The following NCF2 variants were observed in gnomAD, a reference collection of about 807,000 sequenced individuals.
NCF2 encodes the protein neutrophil cytosol factor 2.
A neutral mutation model predicts 70.9 loss-of-function variants in NCF2; 45 were observed. That is an observed-to-expected ratio of 0.63 (90% confidence interval 0.50 to 0.81). The LOEUF (loss-of-function observed/expected upper bound fraction) is 0.81. NCF2 is among the 40% of genes least tolerant of loss of function. The pLI, the probability that NCF2 is intolerant of heterozygous loss-of-function variation, is 0.00. For synonymous variants in NCF2, 203 were observed against 233.6 expected, an observed-to-expected ratio of 0.87 and a Z score of 1.19; for missense variants, 522 against 631.6, an observed-to-expected ratio of 0.83 and a Z score of 1.86.
chr1:183,586,844 C>T, intron 2 of NCF2, 51 bp downstream of exon 2: 3 of 1,553,344 alleles, frequency 1.9e-6, no homozygotes, highest in Non-Finnish European at 2.7e-6. Context: ...ACTGAGACCC[C>T]TTGGGTTTCT....
At chr1:183,560,719 G>T (rs976447047) in intron 13 of NCF2, among the ~76,000 whole-genome samples, 7 of 152,264 alleles carry the variant, frequency 4.6e-5, no homozygotes, top group African/African-American at 1.7e-4. Context: ...CTCACCTGCT[G>T]TGCAGCCCTG....
In NCF2 at chr1:183,574,496, C is replaced by T. The variant is rs772503928; in HGVS notation, c.492G>A (p.Glu164=). 34 of 1,614,140 alleles carry T rather than the reference C, an allele frequency of 2.1e-5. No homozygotes were observed. Among genetic ancestry groups the T allele is most frequent in the Non-Finnish European group, 2.9e-5 (34 of 1,180,064 alleles). The change falls in exon 4 of 15, where the codon GAG becomes GAA. Residue 164 remains glutamate (E), a synonymous_variant. Transcript: ENST00000367535. ...PRHSKIDKAM[E]CVWKQKLYEP... ...TCACCAATACGCTTACCCAGACACA[C>T]TCCATCGCCTTGTCGATTTTGGAAT...
chr1:183,601,440 T>C, the NCF2 span, among the ~76,000 whole-genome samples: 4 of 152,260 alleles, frequency 2.6e-5, no homozygotes, highest in Non-Finnish European at 5.9e-5. Flanking sequence ...GATAAACTTA[T>C]AGAATTAGAA....
At chr1:183,580,383 T>G (rs529426144) in intron 2 of NCF2, among the ~76,000 whole-genome samples, 1 of 152,088 alleles carries the variant, frequency 6.6e-6, no homozygotes, top group African/African-American at 2.4e-5. Context: ...AGCCAGAAGG[T>G]GGGGTAACTA....
chr1:183,555,832 G>C lies in NCF2; in HGVS notation c.*286C>G. 1 of 484,980 alleles carries C rather than the reference G, an allele frequency of 2.1e-6. No homozygotes were observed. Among genetic ancestry groups the C allele is most frequent in the East Asian group, 3.7e-5 (1 of 26,670 alleles). The allele number at this position is 484,980 out of a possible 1,614,324, so 30.0% of individuals were successfully genotyped here. On this transcript the variant is annotated 3_prime_UTR_variant, in exon 15 of 15. Transcript: ENST00000367535. ...AGCTAGCACTCAGAGCAAGAAACAG[G>C]ATCAGTACCTGGAAGACTCTCTCGT...
intron 14 of NCF2, among the ~76,000 whole-genome samples, chr1:183,558,116 C>T (rs1671874438): frequency 6.6e-6 from 1 of 151,848 alleles, no homozygotes; most frequent in Non-Finnish European, 1.5e-5. Context: ...CCAAGTGATC[C>T]ACTCACCTTG....
upstream of NCF2, among the ~76,000 whole-genome samples, chr1:183,592,228 T>C (rs1673686053): frequency 6.6e-6 from 1 of 152,214 alleles, no homozygotes. Flanking sequence ...GCTTGTAGGA[T>C]TGAAGGTGTG....
intron 14 of NCF2, among the ~76,000 whole-genome samples, chr1:183,559,855 T>G (rs923339183): frequency 1.5e-4 from 23 of 152,124 alleles, no homozygotes; most frequent in African/African-American, 5.6e-4. Context: ...GGGGACTCTG[T>G]CTCAAAAACA....
chr1:183,571,010 A>C (rs772793502), intron 5 of NCF2, among the ~76,000 whole-genome samples, 171 bp from the exon 6 acceptor site: 2 of 152,150 alleles, frequency 1.3e-5, no homozygotes, highest in Non-Finnish European at 2.9e-5. Flanking sequence ...CAGCAACTGA[A>C]GAAACGAGCA....
intron 1 of NCF2, among the ~76,000 whole-genome samples, chr1:183,588,583 AAAT>A (rs1673486885): frequency 6.6e-6 from 1 of 152,012 alleles, no homozygotes; most frequent in South Asian, 2.1e-4. Flanking sequence ...CAGTTTAAAT[AAAT>A]AATAAAATTT....
chr1:183,565,321 T>TA (rs1261862946), intron 10 of NCF2, among the ~76,000 whole-genome samples: 41 of 152,204 alleles, frequency 2.7e-4, no homozygotes. Context: ...CTTTTCCAGA[T>TA]ACAGTGCCTC....
upstream of NCF2, among the ~76,000 whole-genome samples, chr1:183,592,576 A>G (rs548450805): frequency 5.3e-5 from 8 of 152,326 alleles, no homozygotes; most frequent in African/African-American, 1.9e-4. Flanking sequence ...TCTAAAAGAA[A>G]TTAGAAATCA....
In NCF2 at chr1:183,590,294, T is replaced by G. The variant is rs1673584126; in HGVS notation, c.36A>C (p.Glu12Asp). ...CCTTCTTGTCCGCTGCCAGCACCCC[T>G]TCATTCCAGAGGCTGATGGCCTCCA... ...SLVEAISLWNEGVLAADKKDW... is the reference protein window; with the variant it reads ...SLVEAISLWNDGVLAADKKDW... Residue 12 changes from glutamate (E) to aspartate (D), a missense_variant, in exon 1 of 15, where the codon GAA (glutamate) becomes GAC (aspartate). Glu to Asp is a conservative substitution (Grantham distance 45, BLOSUM62 2). Transcript: ENST00000367535. 1 of 1,614,104 alleles carries G rather than the reference T, an allele frequency of 6.2e-7. No individual in the cohort carries two copies. The highest frequency in any genetic ancestry group is 8.5e-7 in the Non-Finnish European group (1 of 1,180,004).
intron 13 of NCF2, among the ~76,000 whole-genome samples, chr1:183,562,577 G>A (rs1210132193): frequency 2.0e-5 from 3 of 152,126 alleles, no homozygotes; most frequent in African/African-American, 4.8e-5. Context: ...GCTCATGTCT[G>A]TAATCCCAGC....
chr1:183,581,691 C>A (rs545709669), intron 2 of NCF2, among the ~76,000 whole-genome samples: 1 of 150,058 alleles, frequency 6.7e-6, no homozygotes, highest in African/African-American at 2.4e-5. Context: ...TTTTTTGAGA[C>A]AGAGTCTCGC....
At chr1:183,585,486 G>A (rs913892536) in intron 2 of NCF2, among the ~76,000 whole-genome samples, 2 of 152,026 alleles carry the variant, frequency 1.3e-5, no homozygotes, top group Non-Finnish European at 2.9e-5. Context: ...TTAGCTGGAC[G>A]TAGTGGCGGG....
intron 5 of NCF2, among the ~76,000 whole-genome samples, chr1:183,571,235 A>G: frequency 6.8e-6 from 1 of 146,734 alleles, no homozygotes; most frequent in African/African-American, 2.5e-5. Flanking sequence ...CTCCTGCCTC[A>G]GCCTCCCGAG....
At chr1:183,561,156 C>T (rs1672029152) in intron 13 of NCF2, among the ~76,000 whole-genome samples, 1 of 152,214 alleles carries the variant, frequency 6.6e-6, no homozygotes, top group Admixed American at 6.5e-5. Flanking sequence ...ACATTATTGT[C>T]ACTTTTGCTT....
rs35613470 is a variant in NCF2 at position 183,585,410 on chromosome 1, G to A, written c.257+1485C>T. Among the ~76,000 whole-genome samples, 1,230 of 152,222 alleles carry A rather than the reference G, an allele frequency of 8.1e-3. 23 individuals are homozygous for A. Among genetic ancestry groups the A allele is most frequent in the African/African-American group, 0.028 (1,145 of 41,496 alleles). ...GGAGGCCGAGGCGGGTGGATCACAA[G>A]GTCAGGAGTTCGAGACCAGCGTGGC... On this transcript the variant is annotated intron_variant, in intron 2 of 14. Transcript: ENST00000367535.
Sources: gnomAD v4.1 joint callset for allele counts (sites outside exome capture counted in the v4.1 genomes callset) on GRCh38, gnomAD v4.1.1 for gene constraint, MANE v1.5 for transcripts, NCBI Gene and HGNC (gene_info 2026-07-23, HGNC 2026-07-21) for gene names.